Variants in PTPRJ observed in about 807,000 individuals in gnomAD.
PTPRJ encodes the protein receptor-type tyrosine-protein phosphatase eta.
PTPRJ carries 129 observed loss-of-function variants against 141.3 expected under a neutral mutation model. The observed-to-expected ratio is 0.91, with a 90% CI of 0.79 to 1.06. The LOEUF is 1.06. Among genes scored for constraint, PTPRJ ranks in the 50% least tolerant of loss-of-function variants. The pLI is 0.00. For synonymous variants in PTPRJ, 610 were observed against 640.5 expected, an observed-to-expected ratio of 0.95 and a Z score of 0.72; for missense variants, 1,601 against 1,679.7, an observed-to-expected ratio of 0.95 and a Z score of 0.82.
intron 1 of PTPRJ, among the ~76,000 whole-genome samples, chr11:47,996,335 A>AG (rs1491195573): frequency 5.3e-5 from 6 of 114,282 alleles, no homozygotes; most frequent in African/African-American, 2.3e-4. Flanking sequence ...ACTCTGTCTC[A>AG]AAAAAAAAAA....
intron 1 of PTPRJ, among the ~76,000 whole-genome samples, chr11:48,043,004 G>A (rs977480240): frequency 5.9e-5 from 9 of 152,100 alleles, no homozygotes; most frequent in Non-Finnish European, 7.4e-5. Flanking sequence ...AATATGAAAA[G>A]TCTTACAAAA....
At chr11:48,013,952 G>A (rs1023592779) in intron 1 of PTPRJ, among the ~76,000 whole-genome samples, 1 of 152,182 alleles carries the variant, frequency 6.6e-6, no homozygotes, top group African/African-American at 2.4e-5. Flanking sequence ...GGCAGAGCAG[G>A]TGGGTTCTGG....
intron 1 of PTPRJ, among the ~76,000 whole-genome samples, chr11:48,042,757 G>C (rs1423476356): frequency 7.5e-6 from 1 of 132,780 alleles, no homozygotes; most frequent in Non-Finnish European, 1.6e-5. Context: ...TGTGTGTGTA[G>C]GGGTGTGTGT....
chr11:48,152,285 G>T, intron 18 of PTPRJ, among the ~76,000 whole-genome samples: 1 of 152,106 alleles, frequency 6.6e-6, no homozygotes, highest in African/African-American at 2.4e-5. Context: ...CCCACTTTTT[G>T]ATGGGGTTGT....
rs138471810 is a variant in PTPRJ, at chr11:48,099,026, G to A, written c.97-11032G>A. On this transcript the variant is annotated intron_variant, in intron 1 of 24. Transcript: ENST00000418331. ...GTTATTTCGCTTAATTCTCTCAAGGGCTTGAGGAGAGTCCTGCCATAATCC... is the reference window on the plus strand; with the variant it reads ...GTTATTTCGCTTAATTCTCTCAAGGACTTGAGGAGAGTCCTGCCATAATCC... Among the ~76,000 whole-genome samples, 39 of 152,310 alleles carry A rather than the reference G, an allele frequency of 2.6e-4. No homozygotes were observed. In the East Asian group the frequency reaches 7.1e-3, roughly 28 times the overall value.
chr11:48,061,771 C>T lies in PTPRJ; in HGVS notation c.97-48287C>T, dbSNP rs189771455. 4.3e-3 allele frequency among the ~76,000 whole-genome samples: 656 copies of T among 152,212 alleles called. 1 individual carries two copies. Among genetic ancestry groups the T allele is most frequent in the Middle Eastern group, 6.8e-3 (2 of 294 alleles). ...TTATTATTGGGGAAAAATACCCCCC[C>T]TACTTATTACTAAGGGCCGAATGCT... is the stretch of plus-strand genomic sequence containing the variant. On this transcript the variant is annotated intron_variant, in intron 1 of 24. Transcript: ENST00000418331.
chr11:48,077,582 G>C (rs1010158136), intron 1 of PTPRJ, among the ~76,000 whole-genome samples: 1 of 152,130 alleles, frequency 6.6e-6, no homozygotes. Flanking sequence ...ACAGCCTTAC[G>C]GAGCGTGCTA....
chr11:48,161,016 C>G (rs1857758202), intron 22 of PTPRJ, among the ~76,000 whole-genome samples: 1 of 151,250 alleles, frequency 6.6e-6, no homozygotes, highest in Admixed American at 6.6e-5. Flanking sequence ...CAAAACCAAA[C>G]CAAACCCAAA....
chr11:48,094,722 G>A (rs1171035704), intron 1 of PTPRJ, among the ~76,000 whole-genome samples: 1 of 152,186 alleles, frequency 6.6e-6, no homozygotes, highest in Non-Finnish European at 1.5e-5. Context: ...GTCTGTATGT[G>A]GCCTTTAAGG....
intron 1 of PTPRJ, among the ~76,000 whole-genome samples, chr11:48,085,304 CATTT>C (rs1855672158): frequency 6.7e-6 from 1 of 150,370 alleles, no homozygotes. Flanking sequence ...CATACAATGT[CATTT>C]ATGTTAACAG....
At chr11:48,085,440 G>A (rs1855677412) in intron 1 of PTPRJ, among the ~76,000 whole-genome samples, 1 of 152,090 alleles carries the variant, frequency 6.6e-6, no homozygotes, top group African/African-American at 2.4e-5. Flanking sequence ...CGCCTCCCGG[G>A]TTCAAAGGAT....
At chr11:48,016,402 A>T (rs1046453094) in intron 1 of PTPRJ, among the ~76,000 whole-genome samples, 1 of 152,254 alleles carries the variant, frequency 6.6e-6, no homozygotes, top group African/African-American at 2.4e-5. Flanking sequence ...TTCACCCACC[A>T]GGTGATGGCT....
At position 48,146,876 on chromosome 11, in the gene PTPRJ, G is replaced by T; in HGVS notation, c.2912G>T (p.Gly971Val). The change falls in exon 15 of 25, where the codon GGT becomes GTT. Residue 971 changes from glycine to valine, a missense_variant and splice_region_variant. Physicochemically the swap from Gly to Val is moderately radical, Grantham distance 109. Coordinates refer to ENST00000418331, the MANE Select transcript of PTPRJ (RefSeq NM_002843.4). ...TGTCTCCCATTTGGACTTTTCTCAGGTGTCATCTGTGGAGCGGTTTTTGGC... is the reference window on the plus strand; with the variant it reads ...TGTCTCCCATTTGGACTTTTCTCAGTTGTCATCTGTGGAGCGGTTTTTGGC... ...SDAVSLPQDP[G>V]VICGAVFGCI... The T allele has an allele frequency of 1.2e-6, 2 of 1,613,890 alleles. No individual in the cohort carries two copies. The highest frequency in any genetic ancestry group is 1.7e-6 in the Non-Finnish European group (2 of 1,179,844).
chr11:48,142,807 A>G, intron 11 of PTPRJ, 112 bp from the exon 12 acceptor site: 4 of 1,319,560 alleles, frequency 3.0e-6, no homozygotes, highest in South Asian at 3.0e-5. Context: ...CGAGCCCAGC[A>G]TGTAGCTTCC....
At chr11:48,001,358 G>GTA (rs1231674125) in intron 1 of PTPRJ, among the ~76,000 whole-genome samples, 2 of 134,176 alleles carry the variant, frequency 1.5e-5, no homozygotes, top group Middle Eastern at 3.5e-3. Flanking sequence ...AAGTGTGTGT[G>GTA]TGTGTGTGTG....
At chr11:48,001,300 AC>A (rs746563126) in intron 1 of PTPRJ, among the ~76,000 whole-genome samples, 78 of 147,068 alleles carry the variant, frequency 5.3e-4, no homozygotes, top group Non-Finnish European at 1.1e-3. Context: ...GCCCCATATC[AC>A]TTCTTATTAT....
intron 1 of PTPRJ, among the ~76,000 whole-genome samples, chr11:47,998,014 G>A (rs1854389902): frequency 6.6e-6 from 1 of 152,134 alleles, no homozygotes; most frequent in African/African-American, 2.4e-5. Context: ...TTTGCTTTCT[G>A]AAAACTGGGA....
chr11:48,145,250 C>A, intron 14 of PTPRJ, 126 bp downstream of exon 14: 1 of 1,349,478 alleles, frequency 7.4e-7, no homozygotes, highest in Non-Finnish European at 1.0e-6. Context: ...GCTCTCCCCT[C>A]CCAGAGGTTG....
chr11:48,059,054 G>C (rs969960046), intron 1 of PTPRJ, among the ~76,000 whole-genome samples: 5 of 145,946 alleles, frequency 3.4e-5, no homozygotes, highest in Non-Finnish European at 6.0e-5. Context: ...CTGATCAGCT[G>C]TTTTATAATA....
Sources: allele counts gnomAD v4.1 joint callset (sites outside exome capture counted in the v4.1 genomes callset), GRCh38; gene constraint gnomAD v4.1.1; transcripts MANE v1.5; gene names NCBI Gene and HGNC (gene_info 2026-07-23, HGNC 2026-07-21).